GNA14: variants seen among roughly 807,000 people sequenced by gnomAD.
GNA14 encodes G protein subunit alpha 14.
Under a neutral mutation model 42.0 loss-of-function variants are expected in GNA14, and 50 were observed. That is an observed-to-expected ratio of 1.19 (90% CI 0.95 to 1.51). The LOEUF (loss-of-function observed/expected upper bound fraction) is 1.51, where lower values mean the gene tolerates loss of function less well. Ranked by LOEUF, GNA14 falls within the 40% of genes most tolerant of loss-of-function variation. The pLI, the probability that GNA14 is intolerant of heterozygous loss-of-function variation, is 0.00. For missense variants in GNA14, 473 were observed against 446.2 expected (o/e 1.06, Z -0.54); for synonymous variants, 173 against 163.1 (o/e 1.06, Z -0.46).
At chr9:77,457,298 T>C (rs1306968833) in intron 2 of GNA14, among the ~76,000 whole-genome samples, 1 of 152,222 alleles carries the variant, frequency 6.6e-6, no homozygotes, top group Non-Finnish European at 1.5e-5. Context: ...CTTTTCAAGT[T>C]AGTAGAATAT....
chr9:77,618,893 A>G (rs940403148), intron 1 of GNA14, among the ~76,000 whole-genome samples: 15 of 151,420 alleles, frequency 9.9e-5, no homozygotes, highest in Non-Finnish European at 2.1e-4. Flanking sequence ...TCGGCCTCCC[A>G]AAGTGCTGGG....
chr9:77,563,291 T>G (rs1008030545), intron 1 of GNA14, among the ~76,000 whole-genome samples: 37 of 152,158 alleles, frequency 2.4e-4, no homozygotes, highest in Non-Finnish European at 5.0e-4. Flanking sequence ...CTGAATCTTT[T>G]GCCTTAGGAT....
intron 1 of GNA14, among the ~76,000 whole-genome samples, chr9:77,556,540 A>T (rs946214846): frequency 9.9e-5 from 15 of 152,186 alleles, no homozygotes. Context: ...CCACCAGGGC[A>T]TCACAATACG....
chr9:77,618,900 T>C (rs1371678753), intron 1 of GNA14, among the ~76,000 whole-genome samples: 6 of 151,660 alleles, frequency 4.0e-5, no homozygotes, highest in African/African-American at 1.5e-4. Flanking sequence ...CCCAAAGTGC[T>C]GGGATTACAG....
At chr9:77,535,908 C>T (rs62573384) in intron 1 of GNA14, among the ~76,000 whole-genome samples, 6 of 145,034 alleles carry the variant, frequency 4.1e-5, no homozygotes, top group Admixed American at 2.1e-4. Flanking sequence ...TTTTTTTTTC[C>T]AAGCAAGTTC....
chr9:77,432,552 A>C (rs1219194577), intron 3 of GNA14, among the ~76,000 whole-genome samples: 1 of 150,236 alleles, frequency 6.7e-6, no homozygotes, highest in East Asian at 1.9e-4. Flanking sequence ...CACATTGTCC[A>C]ATCAGCAGAC....
chr9:77,576,216 G>C (rs1823126317), intron 1 of GNA14, among the ~76,000 whole-genome samples: 1 of 152,168 alleles, frequency 6.6e-6, no homozygotes, highest in Admixed American at 6.5e-5. Flanking sequence ...GAGGGTCAGG[G>C]AGAAGAGAAA....
intron 1 of GNA14, among the ~76,000 whole-genome samples, chr9:77,636,793 C>T (rs914947154): frequency 6.6e-6 from 1 of 152,186 alleles, no homozygotes; most frequent in Non-Finnish European, 1.5e-5. Context: ...CAGGTCCCAC[C>T]TCCAACACTG....
chr9:77,459,780 C>A (rs1315509578), intron 2 of GNA14, among the ~76,000 whole-genome samples: 1 of 152,192 alleles, frequency 6.6e-6, no homozygotes, highest in Non-Finnish European at 1.5e-5. Context: ...ACCCCAGACT[C>A]CCCTGACTTC....
intron 1 of GNA14, among the ~76,000 whole-genome samples, chr9:77,625,449 T>A (rs1040184302): frequency 1.3e-5 from 2 of 152,014 alleles, no homozygotes; most frequent in South Asian, 4.2e-4. Flanking sequence ...GTTGTCAGGT[T>A]GAAATGAAGA....
intron 2 of GNA14, among the ~76,000 whole-genome samples, chr9:77,514,689 C>T (rs963668923): frequency 5.3e-5 from 8 of 150,748 alleles, no homozygotes; most frequent in Admixed American, 5.3e-4. Context: ...TCTCGGCTCA[C>T]TGCAAGCTCC....
Position 77,646,313 on chromosome 9 carries a change from G to T in GNA14, c.124+1357C>A, listed in dbSNP as rs568892367. Among the ~76,000 whole-genome samples the T allele has an allele frequency of 3.3e-5, 5 of 152,282 alleles. 1 individual carries two copies. Among genetic ancestry groups the T allele is most frequent in the African/African-American group, 1.2e-4 (5 of 41,562 alleles). On this transcript the variant is annotated intron_variant, in intron 1 of 6. Coordinates refer to ENST00000341700, the MANE Select transcript of GNA14 (RefSeq NM_004297.4). ...TTCTAGGGCTCAGGCCTTAGAAGCT[G>T]GTATGGGTCCCTTTGGGCTGGGTAT... is the stretch of plus-strand genomic sequence containing the variant.
intron 1 of GNA14, among the ~76,000 whole-genome samples, chr9:77,584,404 G>T (rs372069425): frequency 4.6e-5 from 7 of 152,158 alleles, no homozygotes; most frequent in African/African-American, 1.7e-4. Context: ...TCAAAGTTTG[G>T]AGACCACTGT....
At chr9:77,431,090 A>G (rs1835545021) in intron 4 of GNA14, among the ~76,000 whole-genome samples, 1 of 150,512 alleles carries the variant, frequency 6.6e-6, no homozygotes, top group South Asian at 2.1e-4. Flanking sequence ...CATAAGAATC[A>G]TTCCAGTTTC....
intron 2 of GNA14, among the ~76,000 whole-genome samples, chr9:77,474,198 T>G (rs1487676714): frequency 6.6e-6 from 1 of 152,144 alleles, no homozygotes; most frequent in Non-Finnish European, 1.5e-5. Flanking sequence ...TAAGGAACAC[T>G]TGTCAAAAAA....
chr9:77,575,694 C>T (rs573969779), intron 1 of GNA14, among the ~76,000 whole-genome samples: 12 of 151,764 alleles, frequency 7.9e-5, no homozygotes, highest in Non-Finnish European at 1.2e-4. Flanking sequence ...CTATTTTAGA[C>T]GTAAATCCAT....
At chr9:77,608,734 T>G (rs78423327) in intron 1 of GNA14, among the ~76,000 whole-genome samples, 21 of 126,632 alleles carry the variant, frequency 1.7e-4, no homozygotes, top group Admixed American at 1.4e-3. Flanking sequence ...AATATCCTGT[T>G]TTTTTTTTTT....
chr9:77,493,662 T>A (rs907992394), intron 2 of GNA14, among the ~76,000 whole-genome samples: 6 of 152,220 alleles, frequency 3.9e-5, no homozygotes, highest in African/African-American at 1.4e-4. Flanking sequence ...TGATTTCTTA[T>A]TCTGGTTACT....
intron 1 of GNA14, among the ~76,000 whole-genome samples, chr9:77,560,309 G>C (rs1387938912): frequency 8.9e-6 from 1 of 112,308 alleles, no homozygotes; most frequent in Non-Finnish European, 1.7e-5. Context: ...TTTTTTTTGA[G>C]GTGGAGTCTT....
Sources: allele counts gnomAD v4.1 joint callset (sites outside exome capture counted in the v4.1 genomes callset), GRCh38; gene constraint gnomAD v4.1.1; transcripts MANE v1.5; gene names NCBI Gene and HGNC (gene_info 2026-07-23, HGNC 2026-07-21).